Variants in RABGEF1 observed in about 807,000 individuals in gnomAD.
The protein encoded by RABGEF1 is RAB guanine nucleotide exchange factor 1.
RABGEF1 carries 26 observed loss-of-function variants against 57.3 expected under a neutral mutation model. The observed-to-expected ratio is 0.45, with a 90% confidence interval of 0.33 to 0.63. The LOEUF (loss-of-function observed/expected upper bound fraction) is 0.63, where lower values mean the gene tolerates loss of function less well. RABGEF1 is among the 20% of genes least tolerant of loss of function. The pLI, the probability that RABGEF1 is intolerant of heterozygous loss-of-function variation, is 0.02. For synonymous variants in RABGEF1, 185 were observed against 210.7 expected, an observed-to-expected ratio of 0.88 and a Z score of 1.06; for missense variants, 464 against 607.6, an observed-to-expected ratio of 0.76 and a Z score of 2.48.
At chr7:66,712,222 A>G (rs1437363856) in exon 2 of RABGEF1, 1 of 152,190 alleles carries the variant, frequency 6.6e-6, no homozygotes, top group Non-Finnish European at 1.5e-5. Context: ...ATCTGTGAAC[A>G]TGGTATGCCT....
At chr7:66,687,131 T>C (rs1370409056) in intron 1 of RABGEF1, among the ~76,000 whole-genome samples, 1 of 145,494 alleles carries the variant, frequency 6.9e-6, no homozygotes, top group East Asian at 2.0e-4. Flanking sequence ...TTTTTTTTTT[T>C]TTTTCTTTTT....
At chr7:66,773,786 C>T (rs765552754) in intron 2 of RABGEF1, 2 of 451,632 alleles carry the variant, frequency 4.4e-6, no homozygotes, top group South Asian at 3.1e-5. Flanking sequence ...CTGCTTCAGC[C>T]TCCCAAGTAG....
intron 1 of RABGEF1, among the ~76,000 whole-genome samples, chr7:66,768,192 A>T (rs1439711108): frequency 1.3e-5 from 2 of 152,230 alleles, no homozygotes; most frequent in African/African-American, 4.8e-5. Context: ...TATTTACTGT[A>T]CTGGACAGTT....
the RABGEF1 span, among the ~76,000 whole-genome samples, chr7:66,674,660 A>G: frequency 6.6e-6 from 1 of 152,304 alleles, no homozygotes; most frequent in East Asian, 1.9e-4. Context: ...ATGGTGGATA[A>G]ATTTCAAAAA....
intron 2 of RABGEF1, among the ~76,000 whole-genome samples, chr7:66,719,994 A>G (rs1795821165): frequency 1.3e-5 from 2 of 152,156 alleles, no homozygotes; most frequent in Admixed American, 1.3e-4. Flanking sequence ...AATAAATAAA[A>G]GAGATAAAAT....
chr7:66,764,653 C>T (rs981264941), intron 1 of RABGEF1, among the ~76,000 whole-genome samples: 3 of 152,206 alleles, frequency 2.0e-5, no homozygotes, highest in South Asian at 2.1e-4. Context: ...AAGCATCTAA[C>T]ATCTAACATC....
the RABGEF1 span, among the ~76,000 whole-genome samples, chr7:66,673,703 T>G: frequency 2.6e-5 from 4 of 151,396 alleles, no homozygotes. Flanking sequence ...GTACGGGTGA[T>G]GTATCTGATT....
chr7:66,763,011 T>G (rs1804823856), intron 1 of RABGEF1, among the ~76,000 whole-genome samples: 1 of 152,194 alleles, frequency 6.6e-6, no homozygotes, highest in Admixed American at 6.5e-5. Flanking sequence ...TTTATTTTTA[T>G]TTTTTTAAGA....
intron 1 of RABGEF1, among the ~76,000 whole-genome samples, chr7:66,702,571 G>T (rs1219720565): frequency 6.6e-6 from 1 of 152,048 alleles, no homozygotes. Flanking sequence ...TTTCACGGAG[G>T]CTGCACCATT....
intron 2 of RABGEF1, among the ~76,000 whole-genome samples, chr7:66,724,372 T>A (rs1022684021): frequency 9.2e-5 from 14 of 152,054 alleles, no homozygotes; most frequent in Non-Finnish European, 1.8e-4. Flanking sequence ...TTTTATTTTT[T>A]TTTTTTGAGA....
the RABGEF1 span, among the ~76,000 whole-genome samples, chr7:66,661,354 A>T: frequency 6.6e-6 from 1 of 151,936 alleles, no homozygotes; most frequent in South Asian, 2.1e-4. Context: ...AATTAAAGTG[A>T]TTATAAGATA....
intron 1 of RABGEF1, among the ~76,000 whole-genome samples, chr7:66,709,905 C>T (rs1217935835): frequency 3.9e-5 from 6 of 152,208 alleles, no homozygotes; most frequent in African/African-American, 1.4e-4. Flanking sequence ...AACCCTCACA[C>T]CACAATGCAA....
At chr7:66,734,669 G>A (rs991564578) in intron 2 of RABGEF1, among the ~76,000 whole-genome samples, 22 of 150,418 alleles carry the variant, frequency 1.5e-4, no homozygotes, top group Non-Finnish European at 3.1e-4. Flanking sequence ...CTGACCTCAA[G>A]TGATCCATCC....
At chr7:66,664,305 C>T in the RABGEF1 span, among the ~76,000 whole-genome samples, 3 of 151,938 alleles carry the variant, frequency 2.0e-5, no homozygotes, top group Non-Finnish European at 4.4e-5. Flanking sequence ...TTGGGCCAGG[C>T]GCAGTGACTG....
chr7:66,745,618 A>G (rs1274016463), intron 1 of RABGEF1, among the ~76,000 whole-genome samples: 1 of 151,940 alleles, frequency 6.6e-6, no homozygotes. Flanking sequence ...AATGCAAAAA[A>G]CTTAGCCAGG....
chr7:66,745,064 C>T (rs1337395727), intron 1 of RABGEF1, among the ~76,000 whole-genome samples: 6 of 151,934 alleles, frequency 3.9e-5, no homozygotes, highest in South Asian at 2.1e-4. Flanking sequence ...TGGTTGCAGG[C>T]GCCTGTAGTC....
At chr7:66,773,668 T>G (rs183845702) in intron 2 of RABGEF1, 1 of 454,024 alleles carries the variant, frequency 2.2e-6, no homozygotes, top group African/African-American at 2.0e-5. Flanking sequence ...TGCTTTTTGT[T>G]TGTTTGTTTG....
the RABGEF1 span, among the ~76,000 whole-genome samples, chr7:66,664,047 C>A: frequency 6.8e-6 from 1 of 146,502 alleles, no homozygotes. Context: ...GCACTCGAGC[C>A]TGGGTGACAG....
At chr7:66,733,211 A>G (rs1215064779) in intron 2 of RABGEF1, among the ~76,000 whole-genome samples, 2 of 152,106 alleles carry the variant, frequency 1.3e-5, no homozygotes, top group Non-Finnish European at 2.9e-5. Context: ...GCCTTCTCTC[A>G]AGATTTGGCC....
Sources: allele counts gnomAD v4.1 joint callset (sites outside exome capture counted in the v4.1 genomes callset), GRCh38; gene constraint gnomAD v4.1.1; transcripts MANE v1.5; gene names NCBI Gene and HGNC (gene_info 2026-07-23, HGNC 2026-07-21).